The following ARHGAP29 variants were observed in gnomAD, a reference collection of about 807,000 sequenced individuals.
The protein encoded by ARHGAP29 is rho GTPase-activating protein 29.
ARHGAP29 carries 43 observed loss-of-function variants against 122.6 expected under a neutral mutation model. The ratio of observed to expected loss-of-function variants is 0.35; its 90% CI spans 0.27 to 0.45. ARHGAP29 has a LOEUF of 0.45. Ranked by LOEUF, ARHGAP29 falls within the 20% of genes least tolerant of loss-of-function variation. The probability of loss-of-function intolerance (pLI) is 1.00; values close to 1 mark genes in which losing one functional copy is unlikely to be tolerated. For missense variants in ARHGAP29, 1,303 were observed against 1,477.2 expected (o/e 0.88, Z 1.93); for synonymous variants, 506 against 497.1 (o/e 1.02, Z -0.24).
chr1:94,248,594 T>G (rs1242379632), intron 1 of ARHGAP29, among the ~76,000 whole-genome samples: 1 of 152,244 alleles, frequency 6.6e-6, no homozygotes, highest in African/African-American at 2.4e-5. Context: ...AATGGCATCT[T>G]CCCTTTAAAT....
chr1:94,173,636 A>C lies in ARHGAP29; in HGVS notation c.*233T>G. ...ATACGAATCCACCTATCTTATTCAC[A>C]ACTTTAAAAATACAGAATTTAAAGA... On this transcript the variant is annotated 3_prime_UTR_variant, in exon 23 of 23. Coordinates refer to ENST00000260526, the MANE Select transcript of ARHGAP29 (RefSeq NM_004815.4). 2.2e-6 allele frequency: 1 copy of C among 455,246 alleles called. No homozygotes were observed. Among genetic ancestry groups the C allele is most frequent in the South Asian group, 4.4e-5 (1 of 22,968 alleles). The allele number at this position is 455,246 out of a possible 1,614,324, so 28.2% of individuals were successfully genotyped here. A position where few individuals can be genotyped will look rare whatever the true frequency, so the allele number is the denominator to read the frequency against.
intron 1 of ARHGAP29, among the ~76,000 whole-genome samples, chr1:94,255,730 A>T (rs1654320299): frequency 6.6e-6 from 1 of 152,222 alleles, no homozygotes; most frequent in Non-Finnish European, 1.5e-5. Flanking sequence ...GGTGTTCTGT[A>T]AGTAAAGAAT....
intron 3 of ARHGAP29, among the ~76,000 whole-genome samples, chr1:94,215,309 A>AAAAAC (rs981732260): frequency 6.6e-6 from 1 of 151,710 alleles, no homozygotes; most frequent in Non-Finnish European, 1.5e-5. Flanking sequence ...CAAATCATCA[A>AAAAAC]AAAACAAAAC....
intron 1 of ARHGAP29, among the ~76,000 whole-genome samples, chr1:94,257,285 T>C (rs1045763120): frequency 6.6e-6 from 1 of 151,840 alleles, no homozygotes; most frequent in Admixed American, 6.6e-5. Flanking sequence ...GCCTGTAGTC[T>C]CAGCTACCCG....
chr1:94,210,998 A>G (rs1006064655), intron 3 of ARHGAP29, among the ~76,000 whole-genome samples: 11 of 151,954 alleles, frequency 7.2e-5, no homozygotes, highest in South Asian at 2.1e-4. Context: ...TCAAAAGGAC[A>G]TAACAGCCAG....
chr1:94,177,288 C>T lies in ARHGAP29; in HGVS notation c.2905+324G>A, dbSNP rs139924850. ...GAACTACGGAACTGGAAGATACTAA[C>T]GAATATCACATTGCTCAACACATTT... On this transcript the variant is annotated intron_variant, in intron 22 of 22. Coordinates refer to ENST00000260526, the MANE Select transcript of ARHGAP29 (RefSeq NM_004815.4). 1.1e-4 allele frequency: 22 copies of T among 197,562 alleles called. No homozygotes were observed. In the East Asian group the frequency reaches 2.5e-3, roughly 23 times the overall value. The allele number at this position is 197,562 out of a possible 1,614,324, so 12.2% of individuals were successfully genotyped here.
chr1:94,306,715 CA>C, the ARHGAP29 span, among the ~76,000 whole-genome samples: 2 of 152,156 alleles, frequency 1.3e-5, no homozygotes, highest in Non-Finnish European at 2.9e-5. Flanking sequence ...GGATATGCAC[CA>C]ACATTTCCAG....
chr1:94,242,125 T>C (rs909741285), upstream of ARHGAP29, among the ~76,000 whole-genome samples: 2 of 152,118 alleles, frequency 1.3e-5, no homozygotes, highest in African/African-American at 4.8e-5. Flanking sequence ...AAGATGCACA[T>C]GTATACAGCA....
At position 94,208,751 on chromosome 1, in the gene ARHGAP29, C is replaced by A; in HGVS notation, c.510+81G>T. ...CTGGGATTACAGGTATGAGCCACCACCCCCGGCCTAAGATTAGGCAATAGT... is the reference window on the plus strand; with the variant it reads ...CTGGGATTACAGGTATGAGCCACCAACCCCGGCCTAAGATTAGGCAATAGT... On this transcript the variant is annotated intron_variant, in intron 5 of 22. Transcript: ENST00000260526. 9.4e-6 allele frequency: 13 copies of A among 1,388,484 alleles called. No homozygotes were observed. In the South Asian group the frequency reaches 1.1e-4, roughly 11 times the overall value. The allele number at this position is 1,388,484 out of a possible 1,614,324, so 86.0% of individuals were successfully genotyped here.
intron 3 of ARHGAP29, among the ~76,000 whole-genome samples, chr1:94,219,817 T>G (rs995675891): frequency 6.6e-6 from 1 of 152,220 alleles, no homozygotes; most frequent in South Asian, 2.1e-4. Flanking sequence ...TTTTACAATT[T>G]TAATTTCATT....
Position 94,186,516 on chromosome 1 carries a change from G to A in ARHGAP29, c.1763C>T (p.Pro588Leu), listed in dbSNP as rs1253323473. ...TACAATACCAGTTTCTGAAGGGGAA[G>A]GTGGCTCTCTTTCATCTAGATCATC... ...SADDLDEREP[P>L]SPSETGPNSL... The change falls in exon 16 of 23, where the codon CCT becomes CTT. Residue 588 changes from proline to leucine, a missense_variant. Coordinates refer to ENST00000260526, the MANE Select transcript of ARHGAP29 (RefSeq NM_004815.4). 18 of 1,613,328 alleles carry A rather than the reference G, an allele frequency of 1.1e-5. No individual in the cohort carries two copies. Among genetic ancestry groups the A allele is most frequent in the Admixed American group, 3.3e-5 (2 of 59,968 alleles).
the ARHGAP29 span, among the ~76,000 whole-genome samples, chr1:94,287,200 A>G: frequency 6.6e-6 from 1 of 152,208 alleles, no homozygotes; most frequent in Admixed American, 6.5e-5. Context: ...TACAAAGAAT[A>G]CTGATATGGT....
At chr1:94,302,338 A>G in the ARHGAP29 span, 7 of 281,920 alleles carry the variant, frequency 2.5e-5, no homozygotes, top group South Asian at 2.0e-4. Flanking sequence ...TACCATGGAG[A>G]AGGCTGGGGC....
chr1:94,279,208 T>C (rs375936869), upstream of ARHGAP29, among the ~76,000 whole-genome samples: 28 of 152,296 alleles, frequency 1.8e-4, no homozygotes, highest in South Asian at 3.3e-3. Context: ...ATCCTCCAGA[T>C]GGTTAATCTC....
chr1:94,300,711 C>G, the ARHGAP29 span, among the ~76,000 whole-genome samples: 1 of 152,180 alleles, frequency 6.6e-6, no homozygotes, highest in Non-Finnish European at 1.5e-5. Context: ...TTTATTTTCT[C>G]ATCACTGTGT....
chr1:94,312,946 C>G, the ARHGAP29 span, among the ~76,000 whole-genome samples: 1 of 152,172 alleles, frequency 6.6e-6, no homozygotes, highest in African/African-American at 2.4e-5. Context: ...GCTTTATGTA[C>G]CAGCTATGTG....
chr1:94,185,462 T>A lies in ARHGAP29; in HGVS notation c.1800A>T (p.Thr600=). ...PSETGPNSLG[T]FKKTLMSKAA... Reference sequence around the variant, plus strand: ...CCTTTGACATCAATGTTTTCTTAAATGTTCCAAGGGAATTGGGTCCTTGCA... The same window carrying A: ...CCTTTGACATCAATGTTTTCTTAAAAGTTCCAAGGGAATTGGGTCCTTGCA... Residue 600 remains threonine (T), a synonymous_variant, in exon 17 of 23, where the codon ACA becomes ACT. Transcript: ENST00000260526. The A allele has an allele frequency of 1.2e-6, 2 of 1,609,068 alleles. No individual in the cohort carries two copies. The highest frequency in any genetic ancestry group is 1.7e-6 in the Non-Finnish European group (2 of 1,178,450).
upstream of ARHGAP29, among the ~76,000 whole-genome samples, chr1:94,241,322 T>G (rs79743085): frequency 0.021 from 3,218 of 152,258 alleles, 117 homozygotes; most frequent in African/African-American, 0.072. Context: ...CCTTAAAAGA[T>G]ATATCAAATG....
At chr1:94,225,855 T>C (rs1052285954) in intron 2 of ARHGAP29, among the ~76,000 whole-genome samples, 1 of 152,056 alleles carries the variant, frequency 6.6e-6, no homozygotes, top group African/African-American at 2.4e-5. Flanking sequence ...AAAACTCCTG[T>C]ATCCCAATGT....
Sources: gnomAD v4.1 joint callset for allele counts (sites outside exome capture counted in the v4.1 genomes callset) on GRCh38, gnomAD v4.1.1 for gene constraint, MANE v1.5 for transcripts, NCBI Gene and HGNC (gene_info 2026-07-23, HGNC 2026-07-21) for gene names.